The following SORCS1 variants were observed in gnomAD, a reference collection of about 807,000 sequenced individuals.
The protein encoded by SORCS1 is sortilin related VPS10 domain containing receptor 1, also known as VPS10 domain-containing receptor SorCS1.
A neutral mutation model predicts 146.1 loss-of-function variants in SORCS1; 60 were observed. The ratio of observed to expected loss-of-function variants is 0.41; its 90% CI spans 0.33 to 0.51. The LOEUF is 0.51. SORCS1 is among the 20% of genes least tolerant of loss of function. SORCS1 has a pLI of 0.21. For synonymous variants in SORCS1, 637 were observed against 584.0 expected (o/e 1.09, Z -1.31); for missense variants, 1,352 against 1,487.6 (o/e 0.91, Z 1.50).
At chr10:106,626,102 A>T (rs1374928271) in intron 19 of SORCS1, among the ~76,000 whole-genome samples, 1 of 151,788 alleles carries the variant, frequency 6.6e-6, no homozygotes, top group Admixed American at 6.6e-5. Context: ...TTTTTTTTTC[A>T]AACCCTCTGG....
chr10:106,956,757 T>G (rs141823146), intron 1 of SORCS1, among the ~76,000 whole-genome samples, 177 bp from the exon 2 acceptor site: 4 of 152,222 alleles, frequency 2.6e-5, no homozygotes, highest in Non-Finnish European at 5.9e-5. Flanking sequence ...TGCCTTCCAC[T>G]GAATTGCTTA....
At chr10:106,797,880 G>A (rs1023828059) in intron 3 of SORCS1, among the ~76,000 whole-genome samples, 2 of 151,004 alleles carry the variant, frequency 1.3e-5, no homozygotes, top group African/African-American at 5.0e-5. Flanking sequence ...CCTCTAAAAT[G>A]TTTTTAAAAC....
chr10:106,697,468 T>A (rs1198992072), intron 9 of SORCS1, among the ~76,000 whole-genome samples: 82 of 121,282 alleles, frequency 6.8e-4, no homozygotes, highest in African/African-American at 1.0e-3. Flanking sequence ...AATAAATAAA[T>A]AAATAAATAA....
intron 3 of SORCS1, among the ~76,000 whole-genome samples, chr10:106,812,213 G>T (rs1299552682): frequency 6.6e-6 from 1 of 152,088 alleles, no homozygotes; most frequent in African/African-American, 2.4e-5. Flanking sequence ...TGTTAGCCAG[G>T]ATGGTCTCGA....
chr10:106,717,159 C>T (rs965396397), intron 6 of SORCS1, among the ~76,000 whole-genome samples: 8 of 152,196 alleles, frequency 5.3e-5, no homozygotes, highest in African/African-American at 1.9e-4. Context: ...TTTAAATCAG[C>T]AATTTAAGCA....
intron 1 of SORCS1, among the ~76,000 whole-genome samples, chr10:107,145,408 A>C (rs1429865151): frequency 6.6e-6 from 1 of 152,238 alleles, no homozygotes; most frequent in Non-Finnish European, 1.5e-5. Context: ...TTTGTCTAAA[A>C]GATGCAAAAA....
chr10:106,621,912 C>T (rs1847772051), intron 19 of SORCS1, among the ~76,000 whole-genome samples: 1 of 152,156 alleles, frequency 6.6e-6, no homozygotes, highest in Admixed American at 6.5e-5. Context: ...CACCCGAATC[C>T]ATCCTCCAAA....
chr10:106,761,431 C>T (rs2136250485), intron 5 of SORCS1, among the ~76,000 whole-genome samples, 157 bp downstream of exon 5: 1 of 152,298 alleles, frequency 6.6e-6, no homozygotes, highest in Non-Finnish European at 1.5e-5. Flanking sequence ...GTTTCTTACT[C>T]TAATGTCACA....
intron 1 of SORCS1, among the ~76,000 whole-genome samples, chr10:107,156,011 G>C (rs935864358): frequency 6.6e-6 from 1 of 152,096 alleles, no homozygotes; most frequent in Non-Finnish European, 1.5e-5. Context: ...CACTTGTGGG[G>C]ATGGACACAG....
chr10:107,023,241 A>G (rs1958230922), intron 1 of SORCS1, among the ~76,000 whole-genome samples: 1 of 152,170 alleles, frequency 6.6e-6, no homozygotes, highest in African/African-American at 2.4e-5. Flanking sequence ...TTTTATTCTT[A>G]GTACACTGCT....
intron 2 of SORCS1, among the ~76,000 whole-genome samples, chr10:106,895,899 T>A (rs1461664602): frequency 6.6e-6 from 1 of 151,852 alleles, no homozygotes; most frequent in Non-Finnish European, 1.5e-5. Flanking sequence ...GACAAAATGT[T>A]ATCATACATA....
intron 2 of SORCS1, among the ~76,000 whole-genome samples, chr10:106,910,822 C>T (rs957113412): frequency 3.9e-5 from 6 of 152,122 alleles, no homozygotes; most frequent in African/African-American, 9.7e-5. Flanking sequence ...TTTAAATCAA[C>T]GATATTTCTT....
chr10:107,030,084 T>C (rs906640927), intron 1 of SORCS1, among the ~76,000 whole-genome samples: 6 of 152,158 alleles, frequency 3.9e-5, no homozygotes, highest in African/African-American at 1.4e-4. Flanking sequence ...ACCGTTTTTC[T>C]ACTTGAAAAA....
intron 6 of SORCS1, among the ~76,000 whole-genome samples, chr10:106,726,185 CT>C (rs1169402270): frequency 2.4e-3 from 157 of 66,294 alleles, no homozygotes; most frequent in Middle Eastern, 0.01. Flanking sequence ...CTTTCCCTCT[CT>C]TTTTTTTTTT....
chr10:107,096,175 T>C (rs539158650), intron 1 of SORCS1, among the ~76,000 whole-genome samples: 1 of 152,310 alleles, frequency 6.6e-6, no homozygotes, highest in East Asian at 1.9e-4. Context: ...GCAGATAATA[T>C]ATGGCAAGTT....
At chr10:106,785,227 AC>A in intron 3 of SORCS1, among the ~76,000 whole-genome samples, 1 of 152,310 alleles carries the variant, frequency 6.6e-6, no homozygotes, top group East Asian at 1.9e-4. Context: ...AATCTCATCA[AC>A]CAAAGATGAA....
intron 1 of SORCS1, among the ~76,000 whole-genome samples, chr10:106,999,455 T>C (rs1957127658): frequency 6.6e-6 from 1 of 152,260 alleles, no homozygotes; most frequent in African/African-American, 2.4e-5. Context: ...GATGCATGGT[T>C]GCTATTACCA....
At chr10:106,825,234 A>G (rs138665819) in intron 3 of SORCS1, among the ~76,000 whole-genome samples, 246 of 150,960 alleles carry the variant, frequency 1.6e-3, no homozygotes, top group African/African-American at 5.6e-3. Context: ...ATACACATCA[A>G]CTCAGAGAAT....
intron 1 of SORCS1, among the ~76,000 whole-genome samples, chr10:107,112,707 G>A (rs955207919): frequency 2.2e-4 from 34 of 152,118 alleles, no homozygotes; most frequent in Admixed American, 2.2e-3. Context: ...ATGAAAAATG[G>A]CAACCAAAAG....
Sources: allele counts gnomAD v4.1 joint callset (sites outside exome capture counted in the v4.1 genomes callset), GRCh38; gene constraint gnomAD v4.1.1; transcripts MANE v1.5; gene names NCBI Gene and HGNC (gene_info 2026-07-23, HGNC 2026-07-21).